Variants in UGGT1 observed in about 807,000 individuals in gnomAD.
UGGT1 encodes the protein UDP-glucose glycoprotein glucosyltransferase 1, also known as UDP-glucose:glycoprotein glucosyltransferase 1.
A neutral mutation model predicts 203.9 loss-of-function variants in UGGT1; 107 were observed. The ratio of observed to expected loss-of-function variants is 0.52; its 90% CI spans 0.45 to 0.62. The LOEUF is 0.62. UGGT1 is among the 20% of genes least tolerant of loss of function. The pLI is 0.00. For synonymous variants in UGGT1, 628 were observed against 653.5 expected (o/e 0.96, Z 0.59); for missense variants, 1,673 against 1,867.2 (o/e 0.90, Z 1.92).
chr2:128,125,503 G>A (rs1056406269), intron 11 of UGGT1, among the ~76,000 whole-genome samples: 6 of 152,138 alleles, frequency 3.9e-5, no homozygotes, highest in African/African-American at 7.2e-5. Context: ...TCTCAGGGCT[G>A]TTGGGACAGT....
At chr2:128,116,130 ATTT>A in intron 7 of UGGT1, 132 bp from the exon 8 acceptor site, 1 of 561,900 alleles carries the variant, frequency 1.8e-6, no homozygotes, top group Admixed American at 3.4e-5. Flanking sequence ...GATAGTCAGC[ATTT>A]TAAATGGTAT....
rs187588178 is a variant in UGGT1 at position 128,150,926 on chromosome 2, C to T, written c.2017-1858C>T. Among the ~76,000 whole-genome samples the T allele has an allele frequency of 3.0e-3, 451 of 151,926 alleles. 3 individuals are homozygous for T. Among genetic ancestry groups the T allele is most frequent in the African/African-American group, 0.01 (432 of 41,404 alleles). ...AGTTCAGTGGTGTGATCTCGGTTTACTGCAACTTCTGCATCCCAGATTCAG... is the reference window on the plus strand; with the variant it reads ...AGTTCAGTGGTGTGATCTCGGTTTATTGCAACTTCTGCATCCCAGATTCAG... On this transcript the variant is annotated intron_variant, in intron 18 of 40. Transcript: ENST00000259253.
chr2:128,109,373 A>T (rs199874615), intron 4 of UGGT1, among the ~76,000 whole-genome samples: 1 of 151,462 alleles, frequency 6.6e-6, no homozygotes, highest in African/African-American at 2.4e-5. Context: ...CTAATTTTTT[A>T]TTTTTTTTAT....
rs1689269525 is a variant in UGGT1, at chr2:128,138,826, TATC to T, written c.1696_1698del (p.His566del). 2 of 1,614,048 alleles carry T rather than the reference TATC, an allele frequency of 1.2e-6. No individual in the cohort carries two copies. The highest frequency in any genetic ancestry group is 2.7e-5 in the African/African-American group (2 of 74,932). On this transcript the variant is annotated inframe_deletion, in exon 16 of 41. Coordinates refer to ENST00000259253, the MANE Select transcript of UGGT1 (RefSeq NM_020120.4). ...TTATGTTGCCCAAGAAGTGGATGAT[TATC>T]ATGCCTTCCAGACTCTGACACATGT...
At chr2:128,169,834 A>G (rs1322034195) in intron 26 of UGGT1, among the ~76,000 whole-genome samples, 2 of 152,272 alleles carry the variant, frequency 1.3e-5, no homozygotes, top group Non-Finnish European at 2.9e-5. Flanking sequence ...AGAAAGGATT[A>G]CGTAGAGATG....
chr2:128,179,211 C>T (rs1691561281), intron 34 of UGGT1, among the ~76,000 whole-genome samples: 1 of 152,078 alleles, frequency 6.6e-6, no homozygotes, highest in Non-Finnish European at 1.5e-5. Context: ...TCATTTTTAG[C>T]CCTCTTATTT....
chr2:128,132,039 C>T (rs951610109), intron 13 of UGGT1, among the ~76,000 whole-genome samples: 5 of 152,126 alleles, frequency 3.3e-5, no homozygotes, highest in African/African-American at 1.2e-4. Context: ...TCTCTTTGCT[C>T]TATATCTTTT....
chr2:128,183,537 C>T (rs1691816128), intron 37 of UGGT1, 138 bp from the exon 38 acceptor site: 1 of 605,182 alleles, frequency 1.7e-6, no homozygotes, highest in African/African-American at 1.9e-5. Context: ...CACACTTTAA[C>T]TCCACTGTAG....
At chr2:128,117,741 G>A (rs1688184139) in intron 8 of UGGT1, among the ~76,000 whole-genome samples, 1 of 151,820 alleles carries the variant, frequency 6.6e-6, no homozygotes, top group Admixed American at 6.6e-5. Flanking sequence ...AGTAGAGATG[G>A]GGTTTCACTG....
chr2:128,101,219 T>C (rs2105341565), intron 2 of UGGT1, among the ~76,000 whole-genome samples: 1 of 152,314 alleles, frequency 6.6e-6, no homozygotes, highest in South Asian at 2.1e-4. Context: ...TTCCTTCTTA[T>C]GTCTGTGGGA....
rs1310580586 is a variant in UGGT1, at chr2:128,117,983, TGTGTGTGTGTGAGA to T, written c.872+1642_872+1655del. ...TTTTGTGTGTGTGTGTGTGTCTGTG[TGTGTGTGTGTGAGA>T]GAGAGAGAGAGAGAGAGAGGGAAAG... is the stretch of plus-strand genomic sequence containing the variant. On this transcript the variant is annotated intron_variant, in intron 8 of 40. Coordinates refer to ENST00000259253, the MANE Select transcript of UGGT1 (RefSeq NM_020120.4). 6.5e-3 allele frequency among the ~76,000 whole-genome samples: 501 copies of T among 76,544 alleles called. 2 individuals are homozygous for T. Among genetic ancestry groups the T allele is most frequent in the Non-Finnish European group, 0.013 (339 of 26,124 alleles). The allele number at this position is 76,544 out of a possible 152,430, so 50.2% of individuals were successfully genotyped here.
intron 26 of UGGT1, among the ~76,000 whole-genome samples, chr2:128,166,258 G>A (rs1002016606): frequency 9.9e-5 from 15 of 152,268 alleles, no homozygotes; most frequent in Admixed American, 2.6e-4. Flanking sequence ...GCATGTGTGT[G>A]TTTGTGTAGT....
intron 13 of UGGT1, among the ~76,000 whole-genome samples, chr2:128,130,414 A>G (rs1248946532): frequency 6.6e-6 from 1 of 152,220 alleles, no homozygotes; most frequent in Non-Finnish European, 1.5e-5. Context: ...ATAATGTAGA[A>G]TGTAGATAAT....
intron 15 of UGGT1, 33 bp from the exon 16 acceptor site, chr2:128,138,684 A>G (rs781536638): frequency 3.7e-6 from 6 of 1,603,598 alleles, no homozygotes; most frequent in South Asian, 2.3e-5. Context: ...ATTCTTTGAC[A>G]TGTTTCTTTT....
At chr2:128,133,337 G>A (rs1688974709) in intron 14 of UGGT1, 77 bp downstream of exon 14, 1 of 1,562,448 alleles carries the variant, frequency 6.4e-7, no homozygotes, top group Non-Finnish European at 8.7e-7. Context: ...ATGTAGAATG[G>A]TCACTTCTCA....
At chr2:128,166,381 G>A (rs1192168385) in intron 26 of UGGT1, among the ~76,000 whole-genome samples, 1 of 152,172 alleles carries the variant, frequency 6.6e-6, no homozygotes, top group East Asian at 1.9e-4. Context: ...CATGTCTGAC[G>A]TTTTCCGCAT....
chr2:128,116,299 T>C lies in UGGT1; in HGVS notation c.828T>C (p.Asn276=). 6.2e-7 allele frequency: 1 copy of C among 1,611,884 alleles called. No individual in the cohort carries two copies. Among genetic ancestry groups the C allele is most frequent in the Non-Finnish European group, 8.5e-7 (1 of 1,178,058 alleles). ...TEVNTTVIGE[N]DPIDEVQGFL... is the part of the protein sequence containing the mutation. ...TAAACACCACAGTGATTGGTGAAAA[T>C]GATCCTATTGATGAGGTTCAGGGGT... The change falls in exon 8 of 41, where the codon AAT becomes AAC. Residue 276 remains asparagine (N), a synonymous_variant. Coordinates refer to ENST00000259253, the MANE Select transcript of UGGT1 (RefSeq NM_020120.4).
chr2:128,179,902 T>C (rs377008993), intron 35 of UGGT1, 32 bp downstream of exon 35: 29 of 1,571,328 alleles, frequency 1.8e-5, no homozygotes, highest in Non-Finnish European at 2.1e-5. Flanking sequence ...AAAACATTCT[T>C]ATTAAGGAGA....
At chr2:128,159,782 G>A in intron 23 of UGGT1, 62 bp downstream of exon 23, 3 of 1,506,252 alleles carry the variant, frequency 2.0e-6, no homozygotes, top group East Asian at 4.5e-5. Context: ...CTCACCCACT[G>A]CAGCTTACGT....
Sources: gnomAD v4.1 joint callset for allele counts (sites outside exome capture counted in the v4.1 genomes callset) on GRCh38, gnomAD v4.1.1 for gene constraint, MANE v1.5 for transcripts, NCBI Gene and HGNC (gene_info 2026-07-23, HGNC 2026-07-21) for gene names.